UNC45B: variants seen among roughly 807,000 people sequenced by gnomAD.
UNC45B encodes unc-45 myosin chaperone B, also known as protein unc-45 homolog B.
UNC45B carries 78 observed loss-of-function variants against 98.7 expected under a neutral mutation model. The observed-to-expected ratio is 0.79, with a 90% CI of 0.66 to 0.95. The LOEUF (loss-of-function observed/expected upper bound fraction) is 0.95, where lower values mean the gene tolerates loss of function less well. Ranked by LOEUF, UNC45B falls within the 40% of genes least tolerant of loss-of-function variation. The pLI, the probability that UNC45B is intolerant of heterozygous loss-of-function variation, is 0.00. For missense variants in UNC45B, 1,225 were observed against 1,184.9 expected, an observed-to-expected ratio of 1.03 and a Z score of -0.50; for synonymous variants, 462 against 480.4, an observed-to-expected ratio of 0.96 and a Z score of 0.50.
intron 18 of UNC45B, among the ~76,000 whole-genome samples, chr17:35,182,385 G>A (rs954726001): frequency 1.4e-5 from 2 of 144,978 alleles, no homozygotes; most frequent in Non-Finnish European, 1.5e-5. Flanking sequence ...CACCGCGCCC[G>A]GCCGGGTGGC....
At chr17:35,152,774 T>C in intron 4 of UNC45B, 119 bp from the exon 5 acceptor site, 1 of 776,234 alleles carries the variant, frequency 1.3e-6, no homozygotes, top group Non-Finnish European at 2.4e-6. Context: ...AATACATGAA[T>C]GAACGTATGT....
intron 8 of UNC45B, 59 bp downstream of exon 8, chr17:35,159,604 T>C: frequency 1.3e-6 from 2 of 1,565,148 alleles, no homozygotes; most frequent in Non-Finnish European, 1.7e-6. Context: ...ACCAGGGCAC[T>C]GAACAGAAAA....
In UNC45B at chr17:35,188,145, AT is replaced by A. The variant is rs550782260; in HGVS notation, c.*1590del. On this transcript the variant is annotated 3_prime_UTR_variant, in exon 20 of 20. Transcript: ENST00000394570. ...CTAATGGTCTTTACATACAGCCTAC[AT>A]TTTAACTAACTCTTGCATGGGCTTG... The A allele has an allele frequency of 6.8e-4, 104 of 152,262 alleles. No homozygotes were observed. Among genetic ancestry groups the A allele is most frequent in the African/African-American group, 2.5e-3 (102 of 41,548 alleles). 9.4% of individuals were successfully genotyped at this position (152,262 alleles called of 1,614,324 possible). A position where few individuals can be genotyped will look rare whatever the true frequency, so the allele number is the denominator to read the frequency against.
At chr17:35,175,110 A>C (rs1337594072) in intron 14 of UNC45B, among the ~76,000 whole-genome samples, 1 of 150,874 alleles carries the variant, frequency 6.6e-6, no homozygotes, top group Non-Finnish European at 1.5e-5. Flanking sequence ...AAAAGAAAAG[A>C]AAGAAAGGGA....
At chr17:35,153,361 CG>C (rs1239337903) in intron 5 of UNC45B, among the ~76,000 whole-genome samples, 1 of 152,096 alleles carries the variant, frequency 6.6e-6, no homozygotes, top group Non-Finnish European at 1.5e-5. Flanking sequence ...ACTATAATTT[CG>C]GCCCTAAGAA....
rs2142620722 is a variant in UNC45B at position 35,187,246 on chromosome 17, C to T, written c.*687C>T. The T allele has an allele frequency of 6.6e-6, 1 of 152,366 alleles. No homozygotes were observed. The highest frequency in any genetic ancestry group is 2.1e-4 in the South Asian group (1 of 4,822). 9.4% of individuals were successfully genotyped at this position (152,366 alleles called of 1,614,324 possible). On this transcript the variant is annotated 3_prime_UTR_variant, in exon 20 of 20. Transcript: ENST00000394570. Reference sequence around the variant, plus strand: ...TAATTCATTGGCTCATGTATCTTGGCCACCCAGGGAAGGTCTGACATTGTT... The same window carrying T: ...TAATTCATTGGCTCATGTATCTTGGTCACCCAGGGAAGGTCTGACATTGTT...
At chr17:35,169,765 T>C (rs534465542) in intron 10 of UNC45B, 72 bp from the exon 11 acceptor site, 8 of 1,382,486 alleles carry the variant, frequency 5.8e-6, no homozygotes, top group Middle Eastern at 1.8e-4. Flanking sequence ...GAAACCTGTT[T>C]GAGCAAGGCT....
At chr17:35,175,774 C>T (rs1274308863) in intron 14 of UNC45B, among the ~76,000 whole-genome samples, 194 bp from the exon 15 acceptor site, 1 of 152,176 alleles carries the variant, frequency 6.6e-6, no homozygotes, top group Non-Finnish European at 1.5e-5. Context: ...TCACTTCCTT[C>T]CCAGCCAATT....
intron 16 of UNC45B, 80 bp downstream of exon 16, chr17:35,177,210 C>G (rs1011665399): frequency 1.7e-5 from 23 of 1,322,888 alleles, no homozygotes; most frequent in Non-Finnish European, 2.3e-5. Flanking sequence ...GTCATTCTAC[C>G]TCGAGCCTGG....
At chr17:35,163,218 TG>T (rs1483458906) in intron 8 of UNC45B, among the ~76,000 whole-genome samples, 3 of 152,254 alleles carry the variant, frequency 2.0e-5, no homozygotes, top group African/African-American at 7.2e-5. Context: ...GATCTTATTT[TG>T]TTGAAGTGAA....
At chr17:35,155,739 T>C (rs2092056322) in intron 7 of UNC45B, among the ~76,000 whole-genome samples, 1 of 152,102 alleles carries the variant, frequency 6.6e-6, no homozygotes, top group African/African-American at 2.4e-5. Context: ...CTGCCTAATT[T>C]TTGTATTTTT....
chr17:35,162,541 G>T (rs142079859), intron 8 of UNC45B, among the ~76,000 whole-genome samples: 225 of 152,106 alleles, frequency 1.5e-3, no homozygotes, highest in African/African-American at 5.3e-3. Flanking sequence ...TCCCACCTCG[G>T]CCTAACCAAA....
At position 35,187,432 on chromosome 17, in the gene UNC45B, T is replaced by C. The variant is rs1597943389; in HGVS notation, c.*873T>C. On this transcript the variant is annotated 3_prime_UTR_variant, in exon 20 of 20. Coordinates refer to ENST00000394570, the MANE Select transcript of UNC45B (RefSeq NM_001267052.2). ...AAGAGAGTCCCCAGCAGCCCCAGGGTGACATAGTTGTTATAGTTCATTATG... is the reference window on the plus strand; with the variant it reads ...AAGAGAGTCCCCAGCAGCCCCAGGGCGACATAGTTGTTATAGTTCATTATG... 6.6e-6 allele frequency: 1 copy of C among 152,104 alleles called. No homozygotes were observed. The highest frequency in any genetic ancestry group is 2.4e-5 in the African/African-American group (1 of 41,404). The allele number at this position is 152,104 out of a possible 1,614,324, so 9.4% of individuals were successfully genotyped here. A position where few individuals can be genotyped will look rare whatever the true frequency, so the allele number is the denominator to read the frequency against.
intron 17 of UNC45B, among the ~76,000 whole-genome samples, chr17:35,179,652 C>T (rs966206574): frequency 2.0e-5 from 3 of 151,682 alleles, no homozygotes; most frequent in African/African-American, 7.3e-5. Context: ...ACCACAAGGA[C>T]AGAAAACCAA....
intron 9 of UNC45B, among the ~76,000 whole-genome samples, chr17:35,167,626 A>G (rs191388224): frequency 3.3e-5 from 5 of 152,016 alleles, no homozygotes; most frequent in African/African-American, 4.8e-5. Flanking sequence ...AAAAAAAAAA[A>G]AAAGAAAGAA....
chr17:35,153,485 C>CT (rs34389477), intron 5 of UNC45B, among the ~76,000 whole-genome samples: 44,532 of 148,812 alleles, frequency 0.3, 6,781 homozygotes, highest in Middle Eastern at 0.38. Context: ...AACTTGTTAC[C>CT]TTTTTTTTTT....
In UNC45B at chr17:35,188,867, T is replaced by A. The variant is rs1010740747; in HGVS notation, c.*2308T>A. On this transcript the variant is annotated 3_prime_UTR_variant, in exon 20 of 20. Coordinates refer to ENST00000394570, the MANE Select transcript of UNC45B (RefSeq NM_001267052.2). ...ATACCTTTGTTTCCCACTGCCTAGG[T>A]TACATAAGTAGTTGGCTTTTCCAGC... The A allele has an allele frequency of 3.9e-5, 6 of 152,204 alleles. No homozygotes were observed. The highest frequency in any genetic ancestry group is 6.5e-5 in the Admixed American group (1 of 15,284). 9.4% of individuals were successfully genotyped at this position (152,204 alleles called of 1,614,324 possible).
At chr17:35,162,563 A>C (rs1296017743) in intron 8 of UNC45B, among the ~76,000 whole-genome samples, 1 of 151,900 alleles carries the variant, frequency 6.6e-6, no homozygotes, top group Non-Finnish European at 1.5e-5. Context: ...TGCTGGAATT[A>C]CAGGCATGAG....
Position 35,171,598 on chromosome 17 carries a change from GA to G in UNC45B, c.1830+138del, listed in dbSNP as rs934513432. On this transcript the variant is annotated intron_variant, in intron 13 of 19. Transcript: ENST00000394570. ...GTTGGGGGTAAGATACACATACATT[GA>G]ATATGTTAATGGTAAACTTTCCCAC... 326 of 960,248 alleles carry G rather than the reference GA, an allele frequency of 3.4e-4. 2 individuals are homozygous for G. In the African/African-American group the frequency reaches 5.0e-3, roughly 15 times the overall value. The allele number at this position is 960,248 out of a possible 1,614,324, so 59.5% of individuals were successfully genotyped here.
Sources: allele counts gnomAD v4.1 joint callset (sites outside exome capture counted in the v4.1 genomes callset), GRCh38; gene constraint gnomAD v4.1.1; transcripts MANE v1.5; gene names NCBI Gene and HGNC (gene_info 2026-07-23, HGNC 2026-07-21).